FSTL5: variants seen among roughly 807,000 people sequenced by gnomAD.
The protein encoded by FSTL5 is follistatin-related protein 5.
FSTL5 carries 62 observed loss-of-function variants against 89.1 expected under a neutral mutation model. The observed-to-expected ratio is 0.70, with a 90% CI of 0.57 to 0.86. FSTL5 has a LOEUF of 0.86. FSTL5 is among the 40% of genes least tolerant of loss of function. The probability of loss-of-function intolerance (pLI) is 0.00; values close to 1 mark genes in which losing one functional copy is unlikely to be tolerated. For missense variants in FSTL5, 1,057 were observed against 1,001.6 expected, an observed-to-expected ratio of 1.06 and a Z score of -0.75; for synonymous variants, 383 against 346.2, an observed-to-expected ratio of 1.11 and a Z score of -1.18.
At chr4:161,546,271 T>C (rs1377857605) in intron 8 of FSTL5, among the ~76,000 whole-genome samples, 2 of 145,874 alleles carry the variant, frequency 1.4e-5, no homozygotes, top group Admixed American at 7.1e-5. Context: ...ATACTATAAA[T>C]ATGCATATTA....
intron 10 of FSTL5, among the ~76,000 whole-genome samples, chr4:161,536,736 C>T (rs1731632009): frequency 6.6e-6 from 1 of 151,990 alleles, no homozygotes; most frequent in Non-Finnish European, 1.5e-5. Context: ...ACTAAGGGAG[C>T]TTTGGCTAGG....
chr4:161,829,968 T>C (rs575307273), intron 4 of FSTL5, among the ~76,000 whole-genome samples: 148 of 152,166 alleles, frequency 9.7e-4, no homozygotes, highest in African/African-American at 3.3e-3. Context: ...ATCAGAACCA[T>C]TTTTTGAGAT....
intron 14 of FSTL5, among the ~76,000 whole-genome samples, chr4:161,456,208 A>G (rs989501472): frequency 6.6e-6 from 1 of 152,140 alleles, no homozygotes; most frequent in Non-Finnish European, 1.5e-5. Flanking sequence ...TTATATTCCA[A>G]TTGTGAAATT....
chr4:161,570,267 T>C (rs1354753158), intron 8 of FSTL5, among the ~76,000 whole-genome samples: 2 of 152,100 alleles, frequency 1.3e-5, no homozygotes, highest in Non-Finnish European at 2.9e-5. Flanking sequence ...TAAGCTTCAT[T>C]GAAAATGTGA....
intron 6 of FSTL5, among the ~76,000 whole-genome samples, chr4:161,712,665 A>G (rs1011209247): frequency 5.3e-5 from 8 of 152,166 alleles, no homozygotes; most frequent in Admixed American, 4.6e-4. Context: ...GGTTTGGCTC[A>G]CGGGGGCAGG....
intron 7 of FSTL5, among the ~76,000 whole-genome samples, chr4:161,655,249 T>C (rs1736475588): frequency 6.6e-6 from 1 of 152,050 alleles, no homozygotes. Flanking sequence ...TTTTCAGAGA[T>C]GATTAACCAA....
chr4:161,611,372 T>C (rs535938775), intron 7 of FSTL5, among the ~76,000 whole-genome samples: 24 of 151,356 alleles, frequency 1.6e-4, no homozygotes, highest in African/African-American at 5.8e-4. Flanking sequence ...TTTTATTTTC[T>C]TTACATTTCT....
chr4:161,929,687 G>A (rs201266726), intron 3 of FSTL5, among the ~76,000 whole-genome samples: 18 of 116,442 alleles, frequency 1.5e-4, no homozygotes, highest in South Asian at 2.7e-4. Context: ...GTGTGTGTGT[G>A]TGTGTGTGTG....
Position 161,779,801 on chromosome 4 carries a change from A to G in FSTL5, c.410-3727T>C, listed in dbSNP as rs1034569898. On this transcript the variant is annotated intron_variant, in intron 4 of 15. Coordinates refer to ENST00000306100, the MANE Select transcript of FSTL5 (RefSeq NM_020116.5). ...TATATATATATATATATATATATAT[A>G]TATATATATGTATATATATATATAT... Among the ~76,000 whole-genome samples the G allele has an allele frequency of 1.3e-3, 62 of 46,352 alleles. 4 individuals are homozygous for G. The highest frequency in any genetic ancestry group is 4.9e-3 in the South Asian group (8 of 1,620). 30.4% of individuals were successfully genotyped at this position (46,352 alleles called of 152,430 possible). A position where few individuals can be genotyped will look rare whatever the true frequency, so the allele number is the denominator to read the frequency against.
chr4:161,633,552 G>A (rs1735575137), intron 7 of FSTL5, among the ~76,000 whole-genome samples: 2 of 151,860 alleles, frequency 1.3e-5, no homozygotes, highest in Non-Finnish European at 2.9e-5. Context: ...TCACCATGTT[G>A]GCCAGGATGG....
chr4:161,441,047 T>C (rs1431063012), intron 15 of FSTL5, among the ~76,000 whole-genome samples: 1 of 152,144 alleles, frequency 6.6e-6, no homozygotes, highest in Non-Finnish European at 1.5e-5. Flanking sequence ...TTCCATTTAA[T>C]AGTCATTTAT....
intron 3 of FSTL5, among the ~76,000 whole-genome samples, chr4:161,976,968 C>T (rs905769286): frequency 4.6e-5 from 7 of 152,242 alleles, no homozygotes; most frequent in Non-Finnish European, 8.8e-5. Flanking sequence ...TTTCTGTTTT[C>T]CATGGTGACT....
chr4:161,461,443 A>G (rs1022166506), intron 13 of FSTL5, among the ~76,000 whole-genome samples: 14 of 129,044 alleles, frequency 1.1e-4, no homozygotes, highest in South Asian at 8.1e-4. Flanking sequence ...CCTGGGTGAC[A>G]GAGCAAGACT....
At chr4:161,621,794 C>T (rs902502120) in intron 7 of FSTL5, among the ~76,000 whole-genome samples, 6 of 136,010 alleles carry the variant, frequency 4.4e-5, no homozygotes, top group Middle Eastern at 4.6e-3. Context: ...CCAGCCTGAC[C>T]AACATGATGA....
chr4:161,841,485 C>A (rs931010686), intron 4 of FSTL5, among the ~76,000 whole-genome samples: 27 of 152,206 alleles, frequency 1.8e-4, no homozygotes, highest in South Asian at 4.1e-4. Context: ...TATTTGGAAT[C>A]AAAATCCCAT....
chr4:161,514,558 T>C (rs1419260169), intron 10 of FSTL5, among the ~76,000 whole-genome samples: 2 of 152,158 alleles, frequency 1.3e-5, no homozygotes, highest in African/African-American at 4.8e-5. Context: ...ACTTCACCAC[T>C]AGTCAATAGA....
intron 11 of FSTL5, 134 bp from the exon 12 acceptor site, chr4:161,500,268 A>G (rs1001934546): frequency 1.7e-6 from 1 of 585,792 alleles, no homozygotes; most frequent in African/African-American, 1.9e-5. Flanking sequence ...AGCAAACCAT[A>G]TGGGACCCTT....
At chr4:161,814,939 A>G (rs770923619) in intron 4 of FSTL5, among the ~76,000 whole-genome samples, 1 of 152,088 alleles carries the variant, frequency 6.6e-6, no homozygotes, top group Non-Finnish European at 1.5e-5. Context: ...AAGTGCATAG[A>G]TGCCAACTAT....
At position 161,798,090 on chromosome 4, in the gene FSTL5, A is replaced by C. The variant is rs9994073; in HGVS notation, c.410-22016T>G. Reference sequence around the variant, plus strand: ...TAATACTAAAATGACTTAATGGAATAGCTCTATTCTTATTTCTCTATTTCA... The same window carrying C: ...TAATACTAAAATGACTTAATGGAATCGCTCTATTCTTATTTCTCTATTTCA... On this transcript the variant is annotated intron_variant, in intron 4 of 15. Transcript: ENST00000306100. Among the ~76,000 whole-genome samples the C allele has an allele frequency of 1.5e-3, 224 of 151,830 alleles. 1 individual carries two copies. The highest frequency in any genetic ancestry group is 5.3e-3 in the African/African-American group (219 of 41,550).
Sources: allele counts gnomAD v4.1 joint callset (sites outside exome capture counted in the v4.1 genomes callset), GRCh38; gene constraint gnomAD v4.1.1; transcripts MANE v1.5; gene names NCBI Gene and HGNC (gene_info 2026-07-23, HGNC 2026-07-21).